IL6ST: variants seen among roughly 807,000 people sequenced by gnomAD.
IL6ST encodes the protein interleukin-6 receptor subunit beta.
In IL6ST, 24 loss-of-function variants were observed where a neutral mutation model predicts 91.3. The observed-to-expected ratio is 0.26, with a 90% CI of 0.19 to 0.37. The LOEUF is 0.37. Among genes scored for constraint, IL6ST ranks in the 10% least tolerant of loss-of-function variants. The pLI, the probability that IL6ST is intolerant of heterozygous loss-of-function variation, is 1.00. For missense variants in IL6ST, 914 were observed against 1,078.5 expected (o/e 0.85, Z 2.14); for synonymous variants, 351 against 373.6 (o/e 0.94, Z 0.70).
At position 55,963,503 on chromosome 5, in the gene IL6ST, T is replaced by C. The variant is rs750328225; in HGVS notation, c.662A>G (p.Lys221Arg). 9 of 1,602,078 alleles carry C rather than the reference T, an allele frequency of 5.6e-6. No individual in the cohort carries two copies. The highest frequency in any genetic ancestry group is 7.7e-6 in the Non-Finnish European group (9 of 1,174,774). Reference protein sequence around the residue: ...HINFDPVYKVKPNPPHNLSVI... With the variant: ...HINFDPVYKVRPNPPHNLSVI... The stretch of plus-strand genomic sequence containing the variant: ...TGATAAATTATGTGGCGGATTGGGC[T>C]TCACTGAAAAATAAAATAAATCCTA... Residue 221 changes from lysine to arginine, a missense_variant, in exon 7 of 17, where the codon AAG becomes AGG. Coordinates refer to ENST00000381298, the MANE Select transcript of IL6ST (RefSeq NM_002184.4).
rs1750554027 is a variant in IL6ST at position 55,936,687 on chromosome 5, G to T, written c.*4395C>A. 5.2e-6 allele frequency: 1 copy of T among 193,236 alleles called. No homozygotes were observed. Among genetic ancestry groups the T allele is most frequent in the South Asian group, 1.9e-4 (1 of 5,184 alleles). The allele number at this position is 193,236 out of a possible 1,614,324, so 12.0% of individuals were successfully genotyped here. Reference sequence around the variant, plus strand: ...TTTATTTCTTAAAATTTACTTAAGGGATTAGAGCTAATATATAATAGAACA... The same window carrying T: ...TTTATTTCTTAAAATTTACTTAAGGTATTAGAGCTAATATATAATAGAACA... On this transcript the variant is annotated 3_prime_UTR_variant, in exon 17 of 17. Transcript: ENST00000381298.
In IL6ST at chr5:55,982,790, A is replaced by G. The variant is rs183782473; in HGVS notation, c.-82T>C. Reference sequence around the variant, plus strand: ...GCTAAGTCTTCTACTTCTAAATGTCATGCTTTTTCCATTGGGTTTCACTGT... The same window carrying G: ...GCTAAGTCTTCTACTTCTAAATGTCGTGCTTTTTCCATTGGGTTTCACTGT... On this transcript the variant is annotated 5_prime_UTR_variant, in exon 2 of 17. An upstream start codon of the reference 5' UTR is lost. Coordinates refer to ENST00000381298, the MANE Select transcript of IL6ST (RefSeq NM_002184.4). The G allele has an allele frequency of 5.5e-5, 22 of 398,310 alleles. No individual in the cohort carries two copies. The highest frequency in any genetic ancestry group is 4.4e-6 in the Non-Finnish European group (1 of 225,916). 24.7% of individuals were successfully genotyped at this position (398,310 alleles called of 1,614,324 possible).
chr5:55,985,911 T>C (rs1753938981), intron 1 of IL6ST, among the ~76,000 whole-genome samples: 1 of 152,178 alleles, frequency 6.6e-6, no homozygotes, highest in African/African-American at 2.4e-5. Flanking sequence ...AGAAAATACA[T>C]AAACAAACAG....
At chr5:55,990,774 T>C (rs1325361485) in intron 1 of IL6ST, among the ~76,000 whole-genome samples, 1 of 152,186 alleles carries the variant, frequency 6.6e-6, no homozygotes, top group Non-Finnish European at 1.5e-5. Context: ...CTTTAAGTTC[T>C]AGGGTACATG....
At chr5:55,976,559 T>C (rs1433299433) in intron 2 of IL6ST, among the ~76,000 whole-genome samples, 1 of 152,220 alleles carries the variant, frequency 6.6e-6, no homozygotes, top group African/African-American at 2.4e-5. Context: ...AAGTCTTATA[T>C]TAGTAAATAA....
intron 11 of IL6ST, among the ~76,000 whole-genome samples, chr5:55,953,592 G>A (rs1340684059): frequency 2.0e-5 from 3 of 152,140 alleles, no homozygotes; most frequent in Admixed American, 2.0e-4. Flanking sequence ...ATCCACATTG[G>A]TCAGGCTGGT....
At chr5:55,947,400 A>G in intron 15 of IL6ST, 93 bp downstream of exon 15, 1 of 735,578 alleles carries the variant, frequency 1.4e-6, no homozygotes, top group East Asian at 2.6e-5. Context: ...AAATTCATCA[A>G]ACTGTACACT....
intron 1 of IL6ST, among the ~76,000 whole-genome samples, chr5:55,993,358 A>G (rs891048011): frequency 2.0e-5 from 3 of 152,248 alleles, no homozygotes; most frequent in African/African-American, 7.2e-5. Flanking sequence ...TAAAGGGGAC[A>G]TTTTAACACC....
At chr5:55,985,253 C>G (rs1299206863) in intron 1 of IL6ST, among the ~76,000 whole-genome samples, 1 of 152,154 alleles carries the variant, frequency 6.6e-6, no homozygotes. Context: ...CAGTAGCTCA[C>G]ACTTGTAATC....
At position 55,954,824 on chromosome 5, in the gene IL6ST, C is replaced by T. The variant is rs755797298; in HGVS notation, c.1436G>A (p.Arg479His). 15 of 1,607,394 alleles carry T rather than the reference C, an allele frequency of 9.3e-6. No homozygotes were observed. Among genetic ancestry groups the T allele is most frequent in the Middle Eastern group, 1.7e-4 (1 of 6,050 alleles). Residue 479 changes from arginine to histidine, a missense_variant, in exon 11 of 17, where the codon CGC becomes CAC. Transcript: ENST00000381298. ...DWQQEDGTVHRTYLRGNLAES... is the reference protein window; with the variant it reads ...DWQQEDGTVHHTYLRGNLAES... ...GCCAGGTATACCTCTTAAATAGGTG[C>T]GATGCACGGTACCATCTTCTTGTTG... is the stretch of plus-strand genomic sequence containing the variant.
chr5:55,956,217 C>T lies in IL6ST; in HGVS notation c.1075G>A (p.Ala359Thr). ...TCATAATCCAAGATTTTTCCATTGG[C>T]TTCAAAAGGAGGCAATGTCTGTAAT... ...LVWKTLPPFE[A>T]NGKILDYEVT... is the part of the protein sequence containing the mutation. The change falls in exon 10 of 17, where the codon GCC (alanine) becomes ACC (threonine). Residue 359 changes from alanine to threonine, a missense_variant. Coordinates refer to ENST00000381298, the MANE Select transcript of IL6ST (RefSeq NM_002184.4). 1 of 1,599,070 alleles carries T rather than the reference C, an allele frequency of 6.3e-7. No individual in the cohort carries two copies. Among genetic ancestry groups the T allele is most frequent in the Non-Finnish European group, 8.6e-7 (1 of 1,166,678 alleles).
chr5:55,942,758 A>G lies in IL6ST; in HGVS notation c.1938-7T>C, dbSNP rs750056872. 21 of 1,557,702 alleles carry G rather than the reference A, an allele frequency of 1.3e-5. No individual in the cohort carries two copies. The East Asian group carries it at 4.5e-4, about 33-fold the overall frequency. On this transcript the variant is annotated splice_polypyrimidine_tract_variant and splice_region_variant and intron_variant, in intron 15 of 16. Coordinates refer to ENST00000381298, the MANE Select transcript of IL6ST (RefSeq NM_002184.4). ...CCAGATGTGTTTTTTAATTCTGAAG[A>G]GAAAAGAAAAATGGCCTATGTAAAA...
Position 55,941,586 on chromosome 5 carries a change from T to C in IL6ST, c.2253A>G (p.Gln751=). ...AATACTGGACAGTGCTCGAAGTGTT[T>C]TGTGAAGATTCATTTTCATCACTGC... ...ISSSDENESS[Q]NTSSTVQYST... is the part of the protein sequence containing the mutation. Residue 751 remains glutamine (Q), a synonymous_variant, in exon 17 of 17, where the codon CAA becomes CAG. Coordinates refer to ENST00000381298, the MANE Select transcript of IL6ST (RefSeq NM_002184.4). The C allele has an allele frequency of 6.2e-7, 1 of 1,614,172 alleles. No individual in the cohort carries two copies. The highest frequency in any genetic ancestry group is 8.5e-7 in the Non-Finnish European group (1 of 1,180,004).
intron 11 of IL6ST, among the ~76,000 whole-genome samples, chr5:55,953,376 T>C (rs904833067): frequency 4.6e-5 from 7 of 152,194 alleles, no homozygotes; most frequent in African/African-American, 1.7e-4. Context: ...ACTTAATGTC[T>C]CCACAACTTA....
intron 7 of IL6ST, among the ~76,000 whole-genome samples, chr5:55,960,857 C>G (rs925075153): frequency 6.6e-6 from 1 of 152,084 alleles, no homozygotes; most frequent in East Asian, 1.9e-4. Flanking sequence ...TCTGTAACTC[C>G]TGACCTCAAG....
At chr5:55,953,340 T>G (rs1751758190) in intron 11 of IL6ST, among the ~76,000 whole-genome samples, 1 of 152,248 alleles carries the variant, frequency 6.6e-6, no homozygotes, top group Non-Finnish European at 1.5e-5. Context: ...TCAGGGTTAC[T>G]GAGCAACATA....
At chr5:55,945,783 T>C (rs998832656) in intron 15 of IL6ST, among the ~76,000 whole-genome samples, 2 of 148,456 alleles carry the variant, frequency 1.3e-5, no homozygotes, top group African/African-American at 2.5e-5. Context: ...CCCGAGTAGC[T>C]GGGATTACTG....
intron 1 of IL6ST, among the ~76,000 whole-genome samples, chr5:55,987,949 G>A (rs1754070175): frequency 6.6e-6 from 1 of 151,936 alleles, no homozygotes; most frequent in East Asian, 1.9e-4. Context: ...TGGCCAATAT[G>A]GTGAAACGCT....
rs1750939331 is a variant in IL6ST, at chr5:55,941,801, C to G, written c.2038G>C (p.Asp680His). 1 of 1,610,312 alleles carries G rather than the reference C, an allele frequency of 6.2e-7. No homozygotes were observed. Among genetic ancestry groups the G allele is most frequent in the Non-Finnish European group, 8.5e-7 (1 of 1,178,674 alleles). ...TPPRHNFNSKDQMYSDGNFTD... is the reference protein window; with the variant it reads ...TPPRHNFNSKHQMYSDGNFTD... ...AAATTGCCATCTGAATACATTTGATCTTTTGAATTAAAATTGTGCTAAGGA... is the reference window on the plus strand; with the variant it reads ...AAATTGCCATCTGAATACATTTGATGTTTTGAATTAAAATTGTGCTAAGGA... The change falls in exon 17 of 17, where the codon GAT becomes CAT. Residue 680 changes from aspartate (D) to histidine (H), a missense_variant. Asp to His is a moderately conservative substitution (Grantham distance 81). Coordinates refer to ENST00000381298, the MANE Select transcript of IL6ST (RefSeq NM_002184.4).
Sources: allele counts gnomAD v4.1 joint callset (sites outside exome capture counted in the v4.1 genomes callset), GRCh38; gene constraint gnomAD v4.1.1; transcripts MANE v1.5; gene names NCBI Gene and HGNC (gene_info 2026-07-23, HGNC 2026-07-21).